ZDHHC13: variants seen among roughly 807,000 people sequenced by gnomAD.
ZDHHC13 encodes palmitoyltransferase ZDHHC13.
ZDHHC13 carries 85 observed loss-of-function variants against 86.0 expected under a neutral mutation model. The observed-to-expected ratio is 0.99, with a 90% confidence interval of 0.83 to 1.18. The LOEUF (loss-of-function observed/expected upper bound fraction) is 1.18. Among genes scored for constraint, ZDHHC13 ranks in the 50% most tolerant of loss-of-function variants. The pLI, the probability that ZDHHC13 is intolerant of heterozygous loss-of-function variation, is 0.00. For missense variants in ZDHHC13, 711 were observed against 730.2 expected (o/e 0.97, Z 0.30); for synonymous variants, 263 against 246.4 (o/e 1.07, Z -0.63).
chr11:19,117,424 C>A lies in ZDHHC13; in HGVS notation c.27+148C>A. On this transcript the variant is annotated intron_variant, in intron 1 of 16. Transcript: ENST00000446113. The surrounding 1 kb of genome is among the most constrained non-coding windows in gnomAD (Gnocchi z 4.2). The stretch of plus-strand genomic sequence containing the variant: ...CTGGGAAGCGGGAGCCTGGAAACAC[C>A]ACGAACGATGCTGGAAATTGTCTCT... 1.2e-6 allele frequency: 1 copy of A among 817,294 alleles called. No individual in the cohort carries two copies. The highest frequency in any genetic ancestry group is 1.8e-6 in the Non-Finnish European group (1 of 562,986). The allele number at this position is 817,294 out of a possible 1,614,324, so 50.6% of individuals were successfully genotyped here.
At position 19,152,585 on chromosome 11, in the gene ZDHHC13, A is replaced by G. The variant is rs768829190; in HGVS notation, c.774A>G (p.Leu258=). 2.8e-5 allele frequency: 45 copies of G among 1,612,842 alleles called. No homozygotes were observed. The highest frequency in any genetic ancestry group is 1.6e-4 in the Middle Eastern group (1 of 6,076). Residue 258 remains leucine, a synonymous_variant, in exon 8 of 17, where the codon CTA becomes CTG. Transcript: ENST00000446113. Reference sequence around the variant, plus strand: ...GAGAAACACCTCTTGATATGGCTCTACAAAACAAAAATCAGCTCATTATTC... The same window carrying G: ...GAGAAACACCTCTTGATATGGCTCTGCAAAACAAAAATCAGCTCATTATTC... ...VKGETPLDMA[L]QNKNQLIIHM...
chr11:19,133,033 C>T (rs1353893296), intron 1 of ZDHHC13, among the ~76,000 whole-genome samples: 1 of 152,058 alleles, frequency 6.6e-6, no homozygotes, highest in Non-Finnish European at 1.5e-5. Flanking sequence ...CCAGTAAAAA[C>T]ACAAAAATGG....
At chr11:19,135,194 G>A (rs1045725982) in intron 1 of ZDHHC13, among the ~76,000 whole-genome samples, 5 of 152,220 alleles carry the variant, frequency 3.3e-5, no homozygotes, top group South Asian at 2.1e-4. Context: ...CCAGACAGTG[G>A]GCACAGGTCA....
chr11:19,148,297 A>G (rs2133419020), intron 4 of ZDHHC13, among the ~76,000 whole-genome samples: 1 of 152,130 alleles, frequency 6.6e-6, no homozygotes, highest in East Asian at 1.9e-4. Flanking sequence ...AACTGAAGTG[A>G]ATAATTGTTC....
Position 19,143,110 on chromosome 11 carries a change from G to T in ZDHHC13, c.160G>T (p.Val54Phe), listed in dbSNP as rs769948653. Reference sequence around the variant, plus strand: ...AGAGGACTCTAGTAACTGTGACATTGTCAAAGCTACTCAGTAAGTCTTCCA... The same window carrying T: ...AGAGGACTCTAGTAACTGTGACATTTTCAAAGCTACTCAGTAAGTCTTCCA... ...LIEDSSNCDIVKATQYGIFER... is the reference protein window; with the variant it reads ...LIEDSSNCDIFKATQYGIFER... Residue 54 changes from valine (V) to phenylalanine (F), a missense_variant, in exon 2 of 17, where the codon GTC becomes TTC. Val to Phe is a conservative substitution (Grantham distance 50). Coordinates refer to ENST00000446113, the MANE Select transcript of ZDHHC13 (RefSeq NM_019028.3). 3 of 1,612,046 alleles carry T rather than the reference G, an allele frequency of 1.9e-6. No individual in the cohort carries two copies. The highest frequency in any genetic ancestry group is 2.5e-6 in the Non-Finnish European group (3 of 1,178,930).
intron 4 of ZDHHC13, 65 bp from the exon 5 acceptor site, chr11:19,149,122 A>G: frequency 7.6e-7 from 1 of 1,324,160 alleles, no homozygotes; most frequent in Non-Finnish European, 9.8e-7. Flanking sequence ...TAGGAATATC[A>G]GTCTCTCCCT....
chr11:19,175,528 G>A (rs1187270550), intron 16 of ZDHHC13, among the ~76,000 whole-genome samples: 2 of 151,330 alleles, frequency 1.3e-5, no homozygotes, highest in Middle Eastern at 3.4e-3. Flanking sequence ...GAAACTTATT[G>A]ATGTCAGTGG....
At chr11:19,124,786 G>A (rs796516137) in intron 1 of ZDHHC13, among the ~76,000 whole-genome samples, 5 of 152,014 alleles carry the variant, frequency 3.3e-5, no homozygotes, top group African/African-American at 1.2e-4. Flanking sequence ...TTATTTACCA[G>A]ATAAATCAGA....
At chr11:19,135,841 A>G (rs1312540490) in intron 1 of ZDHHC13, among the ~76,000 whole-genome samples, 1 of 152,186 alleles carries the variant, frequency 6.6e-6, no homozygotes, top group African/African-American at 2.4e-5. Flanking sequence ...CGGGTACTCC[A>G]ACAGACCTGC....
intron 16 of ZDHHC13, among the ~76,000 whole-genome samples, chr11:19,174,630 A>T (rs1850310635): frequency 6.6e-6 from 1 of 152,276 alleles, no homozygotes; most frequent in African/African-American, 2.4e-5. Flanking sequence ...AGCATTTCTC[A>T]TAACTGGAAT....
intron 1 of ZDHHC13, among the ~76,000 whole-genome samples, chr11:19,140,498 G>A (rs1300956702): frequency 6.6e-6 from 1 of 152,206 alleles, no homozygotes; most frequent in Non-Finnish European, 1.5e-5. Context: ...CATTGTGGAA[G>A]TCAGTGTGGC....
chr11:19,146,170 TC>T lies in ZDHHC13; in HGVS notation c.174-10del. On this transcript the variant is annotated splice_polypyrimidine_tract_variant and intron_variant, in intron 2 of 16. Coordinates refer to ENST00000446113, the MANE Select transcript of ZDHHC13 (RefSeq NM_019028.3). ...ATTGTATCAATTATGCTTTTTTTTT[TC>T]TTCTTTGAGATACGGAATTTTTGAA... 3 of 1,555,678 alleles carry T rather than the reference TC, an allele frequency of 1.9e-6. No individual in the cohort carries two copies. The highest frequency in any genetic ancestry group is 8.7e-7 in the Non-Finnish European group (1 of 1,154,264).
At chr11:19,159,303 T>A (rs1706031232) in intron 10 of ZDHHC13, among the ~76,000 whole-genome samples, 1 of 152,204 alleles carries the variant, frequency 6.6e-6, no homozygotes, top group East Asian at 1.9e-4. Flanking sequence ...GTTTTACTTG[T>A]ACCATAATTT....
intron 1 of ZDHHC13, among the ~76,000 whole-genome samples, chr11:19,134,355 G>A (rs1485939006): frequency 2.0e-5 from 3 of 152,016 alleles, no homozygotes; most frequent in African/African-American, 7.3e-5. Context: ...TAAAAAATTA[G>A]CTGGGTATAC....
At position 19,175,949 on chromosome 11, in the gene ZDHHC13, C is replaced by A. The variant is rs747520985; in HGVS notation, c.1858C>A (p.Arg620Ser). ...VFHPAREKVL[R>S]SV Reference sequence around the variant, plus strand: ...TCACCCAGCCAGGGAGAAGGTTCTTCGCTCAGTATGAAGAAAAGCAACCCA... The same window carrying A: ...TCACCCAGCCAGGGAGAAGGTTCTTAGCTCAGTATGAAGAAAAGCAACCCA... Residue 620 changes from arginine (R) to serine (S), a missense_variant, in exon 17 of 17, where the codon CGC becomes AGC. Physicochemically the swap from Arg to Ser is moderately radical, Grantham distance 110. Coordinates refer to ENST00000446113, the MANE Select transcript of ZDHHC13 (RefSeq NM_019028.3). 6.2e-7 allele frequency: 1 copy of A among 1,606,924 alleles called. No homozygotes were observed. The highest frequency in any genetic ancestry group is 2.2e-5 in the East Asian group (1 of 44,724).
chr11:19,133,191 T>C (rs559079108), intron 1 of ZDHHC13, among the ~76,000 whole-genome samples: 8 of 152,156 alleles, frequency 5.3e-5, no homozygotes, highest in Non-Finnish European at 1.2e-4. Context: ...GCAAAAGTTA[T>C]GGAGTCTGAT....
In ZDHHC13 at chr11:19,117,371, G is replaced by A. The variant is rs1334226123; in HGVS notation, c.27+95G>A. 53 of 1,281,148 alleles carry A rather than the reference G, an allele frequency of 4.1e-5. No individual in the cohort carries two copies. The highest frequency in any genetic ancestry group is 5.1e-5 in the Non-Finnish European group (50 of 978,196). The allele number at this position is 1,281,148 out of a possible 1,614,324, so 79.4% of individuals were successfully genotyped here. A position where few individuals can be genotyped will look rare whatever the true frequency, so the allele number is the denominator to read the frequency against. ...TGTGGGTGAGAGGCCGCTCGATGAG[G>A]GGGTTTCGGGAGCGGCGGGGCCTAG... On this transcript the variant is annotated intron_variant, in intron 1 of 16. Transcript: ENST00000446113. This position sits in a 1 kb window ranked among gnomAD's most constrained non-coding sequence, Gnocchi z 4.2.
chr11:19,117,234 G>A lies in ZDHHC13; in HGVS notation c.-16G>A. The A allele has an allele frequency of 6.5e-7, 1 of 1,527,766 alleles. No homozygotes were observed. The highest frequency in any genetic ancestry group is 8.8e-7 in the Non-Finnish European group (1 of 1,139,802). The allele number at this position is 1,527,766 out of a possible 1,614,324, so 94.6% of individuals were successfully genotyped here. ...TACTTGCCTAGTAGCCTCAGCCGCT[G>A]TGGGCTCCTGGGGAGATGGAGGGGC... On this transcript the variant is annotated 5_prime_UTR_variant, in exon 1 of 17. It adds an upstream start codon to the 5' untranslated region. Coordinates refer to ENST00000446113, the MANE Select transcript of ZDHHC13 (RefSeq NM_019028.3). This position sits in a 1 kb window ranked among gnomAD's most constrained non-coding sequence, Gnocchi z 4.2.
intron 1 of ZDHHC13, among the ~76,000 whole-genome samples, chr11:19,133,944 C>CACAA (rs1849065324): frequency 2.4e-5 from 1 of 41,486 alleles, no homozygotes. Context: ...TATATATATA[C>CACAA]ACGTATGTGT....
Sources: gnomAD v4.1 joint callset for allele counts (sites outside exome capture counted in the v4.1 genomes callset) on GRCh38, gnomAD v4.1.1 for gene constraint, Gnocchi (gnomAD v3.1) non-coding constraint, MANE v1.5 for transcripts, NCBI Gene and HGNC (gene_info 2026-07-23, HGNC 2026-07-21) for gene names.